The following SMAGP variants were observed in gnomAD, a reference collection of about 807,000 sequenced individuals.
SMAGP encodes small cell adhesion glycoprotein.
Under a neutral mutation model 10.1 loss-of-function variants are expected in SMAGP, and 7 were observed. That is an observed-to-expected ratio of 0.70 (90% CI 0.40 to 1.31). SMAGP has a LOEUF of 1.31. SMAGP is among the 50% of genes most tolerant of loss of function. The pLI is 0.01. For synonymous variants in SMAGP, 49 were observed against 47.2 expected (o/e 1.04, Z -0.16); for missense variants, 113 against 116.5 (o/e 0.97, Z 0.14).
chr12:51,255,773 TTTTC>T (rs1279535171), intron 2 of SMAGP, among the ~76,000 whole-genome samples: 4 of 152,232 alleles, frequency 2.6e-5, no homozygotes, highest in South Asian at 4.1e-4. Context: ...GCCTTTTTCT[TTTTC>T]TTTCTTTTTT....
intron 2 of SMAGP, among the ~76,000 whole-genome samples, chr12:51,252,439 T>C (rs1295535218): frequency 6.6e-6 from 1 of 151,512 alleles, no homozygotes; most frequent in Non-Finnish European, 1.5e-5. Context: ...TCACCCAGGC[T>C]GGAGTGCAGT....
intron 1 of SMAGP, 177 bp downstream of exon 1, chr12:51,270,079 T>G (rs1414516770): frequency 2.6e-5 from 4 of 151,544 alleles, no homozygotes; most frequent in Non-Finnish European, 1.5e-5. Context: ...CGGAGCGCGC[T>G]GCGCTGGGGG....
chr12:51,259,401 A>G (rs140329928), intron 2 of SMAGP, among the ~76,000 whole-genome samples: 134 of 152,192 alleles, frequency 8.8e-4, no homozygotes, highest in African/African-American at 3.1e-3. Context: ...GGTGTGAGCC[A>G]CTGCGCCCAG....
chr12:51,247,790 T>C (rs1565656331), intron 2 of SMAGP, among the ~76,000 whole-genome samples: 1 of 152,168 alleles, frequency 6.6e-6, no homozygotes, highest in African/African-American at 2.4e-5. Context: ...CTGTGCTAGA[T>C]GAAAGGTCGA....
At chr12:51,246,483 A>G (rs1944770989) in intron 3 of SMAGP, 2 of 439,378 alleles carry the variant, frequency 4.6e-6, no homozygotes, top group Non-Finnish European at 8.1e-6. Context: ...CCAACCACAT[A>G]TATCCTCGTC....
intron 2 of SMAGP, among the ~76,000 whole-genome samples, chr12:51,264,956 A>AG (rs1944962325): frequency 7.5e-5 from 11 of 146,578 alleles, no homozygotes; most frequent in African/African-American, 2.2e-4. Context: ...AAAAAAGAGA[A>AG]AGAGAGAGAG....
At chr12:51,250,255 G>A (rs1010108226) in intron 2 of SMAGP, among the ~76,000 whole-genome samples, 2 of 150,886 alleles carry the variant, frequency 1.3e-5, no homozygotes, top group South Asian at 2.1e-4. Flanking sequence ...GGTAATATGC[G>A]CCTGTAGTCC....
At chr12:51,256,444 G>A (rs572707803) in intron 2 of SMAGP, among the ~76,000 whole-genome samples, 64 of 151,796 alleles carry the variant, frequency 4.2e-4, no homozygotes, top group Non-Finnish European at 5.9e-5. Context: ...CAAACAAGCC[G>A]GGCGCGGTGG....
At chr12:51,257,783 G>A (rs191753113) in intron 2 of SMAGP, among the ~76,000 whole-genome samples, 2 of 152,088 alleles carry the variant, frequency 1.3e-5, no homozygotes, top group East Asian at 3.9e-4. Context: ...GACCTCAGGT[G>A]ATCTGCCTGT....
intron 2 of SMAGP, among the ~76,000 whole-genome samples, chr12:51,248,434 A>ACTCTCACTCTCTCTCTCTCTCT (rs1944804323): frequency 1.3e-5 from 1 of 77,468 alleles, no homozygotes; most frequent in African/African-American, 5.1e-5. Context: ...ACACACACAC[A>ACTCTCACTCTCTCTCTCTCTCT]CTCTCTCTCT....
intron 2 of SMAGP, among the ~76,000 whole-genome samples, chr12:51,268,459 A>T (rs1019928408): frequency 2.0e-5 from 3 of 152,176 alleles, no homozygotes; most frequent in African/African-American, 7.2e-5. Context: ...CCTTTTCCAC[A>T]TTTAATTACA....
chr12:51,251,788 T>C (rs1314684007), intron 2 of SMAGP, among the ~76,000 whole-genome samples: 2 of 152,310 alleles, frequency 1.3e-5, no homozygotes, highest in East Asian at 3.9e-4. Flanking sequence ...TTTTCAGTTA[T>C]CTATTCTTTA....
intron 2 of SMAGP, among the ~76,000 whole-genome samples, chr12:51,258,812 A>G (rs1047587638): frequency 6.6e-6 from 1 of 151,954 alleles, no homozygotes; most frequent in African/African-American, 2.4e-5. Context: ...TAAGGCCTTT[A>G]TGTAATTTGA....
intron 2 of SMAGP, among the ~76,000 whole-genome samples, chr12:51,267,473 C>T (rs939463123): frequency 1.8e-4 from 27 of 146,948 alleles, no homozygotes; most frequent in African/African-American, 5.7e-4. Flanking sequence ...TATTCCCCCC[C>T]CCCACTCCGT....
intron 2 of SMAGP, chr12:51,253,708 C>T: frequency 6.6e-6 from 1 of 152,212 alleles, no homozygotes; most frequent in East Asian, 1.9e-4. Context: ...GACAAACATT[C>T]CAGCCTGGCC....
At chr12:51,267,667 A>T (rs1209708454) in intron 2 of SMAGP, among the ~76,000 whole-genome samples, 2 of 151,266 alleles carry the variant, frequency 1.3e-5, no homozygotes, top group Non-Finnish European at 2.9e-5. Flanking sequence ...CTAATTTTTA[A>T]ATTTTTTTGT....
At chr12:51,255,956 A>G (rs1025809481) in intron 2 of SMAGP, among the ~76,000 whole-genome samples, 1 of 152,092 alleles carries the variant, frequency 6.6e-6, no homozygotes, top group Non-Finnish European at 1.5e-5. Flanking sequence ...TTTTTAGTAG[A>G]GACGGGGTTT....
intron 2 of SMAGP, among the ~76,000 whole-genome samples, chr12:51,258,211 T>C (rs1944902390): frequency 6.6e-6 from 1 of 152,018 alleles, no homozygotes; most frequent in African/African-American, 2.4e-5. Context: ...AGATAATCAG[T>C]TGAGAGTGAG....
rs35000436 is a variant in SMAGP at position 51,258,984 on chromosome 12, C to CAA, written c.34+10259_34+10260dup. On this transcript the variant is annotated intron_variant, in intron 2 of 3. Coordinates refer to ENST00000603798, the MANE Select transcript of SMAGP (RefSeq NM_001031628.2). ...CAACATGGGGAGACCCTGTCTCTAC[C>CAA]AAAAAAAAAAAAAAAAAAAAAAAAA... Among the ~76,000 whole-genome samples the CAA allele has an allele frequency of 1.5e-3, 74 of 51,000 alleles. 2 individuals are homozygous for CAA. The highest frequency in any genetic ancestry group is 5.0e-3 in the African/African-American group (66 of 13,164). 33.5% of individuals were successfully genotyped at this position (51,000 alleles called of 152,430 possible). A position where few individuals can be genotyped will look rare whatever the true frequency, so the allele number is the denominator to read the frequency against.
Sources: allele counts gnomAD v4.1 joint callset (sites outside exome capture counted in the v4.1 genomes callset), GRCh38; gene constraint gnomAD v4.1.1; transcripts MANE v1.5; gene names NCBI Gene and HGNC (gene_info 2026-07-23, HGNC 2026-07-21).